Variants in XPO5 observed in about 807,000 individuals in gnomAD.
XPO5 encodes exportin-5.
XPO5 carries 46 observed loss-of-function variants against 160.6 expected under a neutral mutation model. That is an observed-to-expected ratio of 0.29 (90% CI 0.23 to 0.37). The LOEUF is 0.37. Ranked by LOEUF, XPO5 falls within the 10% of genes least tolerant of loss-of-function variation. The pLI, the probability that XPO5 is intolerant of heterozygous loss-of-function variation, is 1.00. For missense variants in XPO5, 1,090 were observed against 1,463.9 expected, an observed-to-expected ratio of 0.74 and a Z score of 4.17; for synonymous variants, 537 against 519.3, an observed-to-expected ratio of 1.03 and a Z score of -0.46.
chr6:43,529,387 A>AT, intron 23 of XPO5: 1 of 373,886 alleles, frequency 2.7e-6, no homozygotes. Flanking sequence ...CTAAAAAAAA[A>AT]AAAAAAAAAA....
At chr6:43,565,442 G>A (rs1161897418) in intron 8 of XPO5, among the ~76,000 whole-genome samples, 1 of 151,782 alleles carries the variant, frequency 6.6e-6, no homozygotes, top group Non-Finnish European at 1.5e-5. Flanking sequence ...TGGTGCGCCT[G>A]TAATCCCAGC....
In XPO5 at chr6:43,553,462, C is replaced by T. The variant is rs111387355; in HGVS notation, c.1483G>A (p.Val495Ile). The change falls in exon 14 of 32, where the codon GTC becomes ATC. Residue 495 changes from valine to isoleucine, a missense_variant. Transcript: ENST00000265351. ...VGTGEGSLCSVFSPSFVQWEA... is the reference protein window; with the variant it reads ...VGTGEGSLCSIFSPSFVQWEA... ...CACTGCACGAATGAAGGTGAGAAGA[C>T]GGAACAGAGGCTTCCTTCTCCAGTT... is the stretch of plus-strand genomic sequence containing the variant. 1.7e-5 allele frequency: 27 copies of T among 1,577,190 alleles called. No homozygotes were observed. In the African/African-American group the frequency reaches 1.8e-4, roughly 10 times the overall value.
Position 43,549,978 on chromosome 6 carries a change from T to C in XPO5, c.1729-44A>G, listed in dbSNP as rs575150463. Reference sequence around the variant, plus strand: ...AAAGGTCACTCATGTTTATTTGTTTTAGAGATGAGATCTTGCTATGTTGCC... The same window carrying C: ...AAAGGTCACTCATGTTTATTTGTTTCAGAGATGAGATCTTGCTATGTTGCC... On this transcript the variant is annotated intron_variant, in intron 15 of 31. Coordinates refer to ENST00000265351, the MANE Select transcript of XPO5 (RefSeq NM_020750.3). 2.5e-5 allele frequency: 40 copies of C among 1,594,498 alleles called. 1 individual carries two copies. The South Asian group carries it at 3.7e-4, about 15-fold the overall frequency.
chr6:43,547,572 G>T (rs1283746167), intron 19 of XPO5, 36 bp downstream of exon 19: 1 of 1,595,486 alleles, frequency 6.3e-7, no homozygotes, highest in Non-Finnish European at 8.6e-7. Flanking sequence ...TCCTACCCAT[G>T]GCCAATGCCA....
intron 23 of XPO5, 141 bp from the exon 24 acceptor site, chr6:43,529,066 C>T: frequency 9.1e-7 from 1 of 1,103,488 alleles, no homozygotes; most frequent in South Asian, 1.5e-5. Context: ...GTGAAAAAAT[C>T]TTAAAGTTCT....
intron 20 of XPO5, among the ~76,000 whole-genome samples, chr6:43,540,940 G>C (rs1056029827): frequency 3.3e-5 from 5 of 151,962 alleles, no homozygotes; most frequent in Admixed American, 6.6e-5. Flanking sequence ...AAGAGATCTT[G>C]TCATTTGCAA....
rs1763288769 is a variant in XPO5 at position 43,575,791 on chromosome 6, G to C, written c.74C>G (p.Ser25Cys). 8.1e-6 allele frequency: 13 copies of C among 1,613,784 alleles called. No individual in the cohort carries two copies. The highest frequency in any genetic ancestry group is 1.1e-5 in the Non-Finnish European group (13 of 1,179,744). ...GGCTTCCAGCCGGTAGCGCTGGGTG[G>C]AGTTGGGGTCCATCATGACCGTCAC... ...KAVTVMMDPN[S>C]TQRYRLEALK... Residue 25 changes from serine (S) to cysteine (C), a missense_variant, in exon 1 of 32, where the codon TCC becomes TGC. By Grantham distance (112) the Ser-to-Cys change is moderately radical. This residue lies in a region of XPO5 where 170 missense variants were observed against 227.0 expected (regional missense o/e 0.75). Transcript: ENST00000265351.
At position 43,548,467 on chromosome 6, in the gene XPO5, A is replaced by G. The variant is rs759386989; in HGVS notation, c.1861-7T>C. The G allele has an allele frequency of 6.5e-7, 1 of 1,531,604 alleles. No individual in the cohort carries two copies. The highest frequency in any genetic ancestry group is 8.8e-7 in the Non-Finnish European group (1 of 1,131,376). 94.9% of individuals were successfully genotyped at this position (1,531,604 alleles called of 1,614,324 possible). On this transcript the variant is annotated splice_polypyrimidine_tract_variant and splice_region_variant and intron_variant, in intron 17 of 31. Coordinates refer to ENST00000265351, the MANE Select transcript of XPO5 (RefSeq NM_020750.3). ...AAAGCATGTCAAAATTGGGCTACAG[A>G]TCAAAAAGAAAAAAAGCCAGAGGTG... is the stretch of plus-strand genomic sequence containing the variant.
intron 20 of XPO5, 35 bp downstream of exon 20, chr6:43,546,536 G>C: frequency 6.4e-7 from 1 of 1,572,116 alleles, no homozygotes; most frequent in Middle Eastern, 1.7e-4. Flanking sequence ...AGGTAAAGTA[G>C]AAAACAACAG....
chr6:43,529,158 TG>T, intron 23 of XPO5: 2 of 1,427,864 alleles, frequency 1.4e-6, no homozygotes, highest in Non-Finnish European at 1.9e-6. Context: ...CTGCACATTA[TG>T]GTCACTGGCC....
chr6:43,559,252 G>A (rs962088281), intron 11 of XPO5, among the ~76,000 whole-genome samples: 2 of 152,258 alleles, frequency 1.3e-5, no homozygotes, highest in Non-Finnish European at 1.5e-5. Context: ...AGCCAAGATC[G>A]TGCCACTGCA....
Position 43,522,881 on chromosome 6 carries a change from TCA to T in XPO5, c.*985_*986del. 1 of 209,806 alleles carries T rather than the reference TCA, an allele frequency of 4.8e-6. No individual in the cohort carries two copies. Among genetic ancestry groups the T allele is most frequent in the South Asian group, 5.8e-5 (1 of 17,176 alleles). 13.0% of individuals were successfully genotyped at this position (209,806 alleles called of 1,614,324 possible). On this transcript the variant is annotated 3_prime_UTR_variant, in exon 32 of 32. Transcript: ENST00000265351. ...CCTTTCAGTGACCTCTAGAATGGACTCACAGTACAGGTTGTGATGTGAAGGCA... is the reference window on the plus strand; with the variant it reads ...CCTTTCAGTGACCTCTAGAATGGACTCAGTACAGGTTGTGATGTGAAGGCA...
At chr6:43,531,817 G>A (rs930436467) in intron 21 of XPO5, among the ~76,000 whole-genome samples, 1 of 151,928 alleles carries the variant, frequency 6.6e-6, no homozygotes, top group Non-Finnish European at 1.5e-5. Context: ...TCCCCCAGAT[G>A]GAACCTGTAC....
chr6:43,529,130 A>G, intron 23 of XPO5: 1 of 1,203,288 alleles, frequency 8.3e-7, no homozygotes, highest in Non-Finnish European at 1.2e-6. Context: ...CTCTTAGTTT[A>G]GCTGCATTTC....
chr6:43,575,888 G>T lies in XPO5; in HGVS notation c.-24C>A, dbSNP rs376029586. On this transcript the variant is annotated 5_prime_UTR_variant, in exon 1 of 32. Transcript: ENST00000265351. Reference sequence around the variant, plus strand: ...ATGCCTAGCGCCACGCGCCGAGAGCGCACACCACTGCAGTCCCGGGACCAC... The same window carrying T: ...ATGCCTAGCGCCACGCGCCGAGAGCTCACACCACTGCAGTCCCGGGACCAC... 6.2e-7 allele frequency: 1 copy of T among 1,610,134 alleles called. No individual in the cohort carries two copies. Among genetic ancestry groups the T allele is most frequent in the South Asian group, 1.1e-5 (1 of 90,972 alleles).
intron 23 of XPO5, chr6:43,529,377 CT>C (rs1198987899): frequency 2.5e-4 from 27 of 108,326 alleles, no homozygotes; most frequent in South Asian, 3.5e-4. Flanking sequence ...CCCGTCTCTA[CT>C]AAAAAAAAAA....
chr6:43,567,489 T>G, intron 6 of XPO5, 135 bp from the exon 7 acceptor site: 1 of 728,504 alleles, frequency 1.4e-6, no homozygotes, highest in Non-Finnish European at 2.1e-6. Context: ...CAGTCACAGG[T>G]AGGGAACACA....
intron 11 of XPO5, 184 bp from the exon 12 acceptor site, chr6:43,558,775 C>G (rs758113046): frequency 3.0e-5 from 15 of 495,948 alleles, no homozygotes; most frequent in Middle Eastern, 5.1e-4. Flanking sequence ...TCCAGTATTC[C>G]TCAGTGGTAG....
At chr6:43,526,525 G>T in intron 27 of XPO5, 160 bp downstream of exon 27, 1 of 727,082 alleles carries the variant, frequency 1.4e-6, no homozygotes, top group Non-Finnish European at 2.4e-6. Context: ...TTGGAGGTGG[G>T]AGTATGATGG....
Sources: gnomAD v4.1 joint callset for allele counts (sites outside exome capture counted in the v4.1 genomes callset) on GRCh38, gnomAD v4.1.1 for gene constraint, gnomAD v4.1.1 regional missense constraint, MANE v1.5 for transcripts, NCBI Gene and HGNC (gene_info 2026-07-23, HGNC 2026-07-21) for gene names.